PCSK6: variants seen among roughly 807,000 people sequenced by gnomAD.
PCSK6 encodes the protein proprotein convertase subtilisin/kexin type 6.
In PCSK6, 85 loss-of-function variants were observed where a neutral mutation model predicts 123.3. That is an observed-to-expected ratio of 0.69 (90% CI 0.58 to 0.83). The LOEUF (loss-of-function observed/expected upper bound fraction) is 0.83, where lower values mean the gene tolerates loss of function less well. Ranked by LOEUF, PCSK6 falls within the 40% of genes least tolerant of loss-of-function variation. The pLI is 0.00. For synonymous variants in PCSK6, 508 were observed against 516.0 expected, an observed-to-expected ratio of 0.98 and a Z score of 0.21; for missense variants, 1,191 against 1,282.3, an observed-to-expected ratio of 0.93 and a Z score of 1.09.
At chr15:101,417,334 G>A (rs532511014) in intron 6 of PCSK6, among the ~76,000 whole-genome samples, 4 of 152,192 alleles carry the variant, frequency 2.6e-5, no homozygotes, top group South Asian at 2.1e-4. Flanking sequence ...GTGTGAAAAC[G>A]GACTAATGCA....
chr15:101,431,529 T>C (rs774910196), intron 3 of PCSK6, 66 bp from the exon 4 acceptor site: 1 of 1,599,320 alleles, frequency 6.3e-7, no homozygotes, highest in East Asian at 2.2e-5. Context: ...TGACACTCGG[T>C]GCACACCCCA....
At chr15:101,307,380 G>A in intron 20 of PCSK6, 55 bp from the exon 21 acceptor site, 2 of 1,345,276 alleles carry the variant, frequency 1.5e-6, no homozygotes, top group South Asian at 2.5e-5. Context: ...CACCACTCCG[G>A]GCTCCCTTCC....
chr15:101,388,932 T>A (rs1012946057), intron 9 of PCSK6, among the ~76,000 whole-genome samples: 3 of 152,110 alleles, frequency 2.0e-5, no homozygotes, highest in Admixed American at 6.5e-5. Context: ...CTGAACTATG[T>A]CCCCTCCAAA....
At chr15:101,401,782 C>T (rs2042595072) in intron 6 of PCSK6, among the ~76,000 whole-genome samples, 2 of 152,184 alleles carry the variant, frequency 1.3e-5, no homozygotes, top group African/African-American at 4.8e-5. Context: ...CCCCACTGAG[C>T]CTCAGTTTTC....
chr15:101,318,194 C>T, intron 19 of PCSK6, 125 bp downstream of exon 19: 1 of 686,834 alleles, frequency 1.5e-6, no homozygotes, highest in Non-Finnish European at 2.5e-6. Context: ...CCTTGTTTTG[C>T]CCTTGCATTT....
In PCSK6 at chr15:101,366,281, G is replaced by A. The variant is rs2041386354; in HGVS notation, c.1773C>T (p.Val591=). The A allele has an allele frequency of 6.2e-7, 1 of 1,613,600 alleles. No homozygotes were observed. The highest frequency in any genetic ancestry group is 1.3e-5 in the African/African-American group (1 of 75,032). Residue 591 remains valine, a synonymous_variant, in exon 13 of 22, where the codon GTC becomes GTT. Coordinates refer to ENST00000611716, the MANE Select transcript of PCSK6 (RefSeq NM_002570.5). ...EGFTNWEFMT[V]HCWGEKAEGQ... ...CTTCAGCCTTTTCTCCCCAGCAGTG[G>A]ACAGTCATGAATTCCCAGTTTGTAA...
chr15:101,434,256 T>A (rs1567218818), intron 2 of PCSK6, among the ~76,000 whole-genome samples: 1 of 152,092 alleles, frequency 6.6e-6, no homozygotes, highest in African/African-American at 2.4e-5. Context: ...CTCCCAGGGA[T>A]GTCCCGCCCT....
chr15:101,462,583 G>A (rs750736983), intron 1 of PCSK6, among the ~76,000 whole-genome samples: 5 of 152,292 alleles, frequency 3.3e-5, no homozygotes, highest in Admixed American at 6.5e-5. Context: ...AGTTTAACTC[G>A]TGGAACAGAA....
chr15:101,428,078 C>T (rs531043131), intron 5 of PCSK6, 98 bp from the exon 6 acceptor site: 97 of 998,538 alleles, frequency 9.7e-5, no homozygotes, highest in African/African-American at 8.7e-4. Flanking sequence ...GTCAGTTGTC[C>T]GAAGCCCAGA....
intron 13 of PCSK6, among the ~76,000 whole-genome samples, chr15:101,338,202 C>T (rs1446289241): frequency 6.6e-6 from 1 of 152,182 alleles, no homozygotes; most frequent in Admixed American, 6.5e-5. Context: ...CTACACAGTC[C>T]CTTCTCCAAA....
intron 13 of PCSK6, among the ~76,000 whole-genome samples, chr15:101,360,866 T>C (rs1173737966): frequency 6.6e-6 from 1 of 152,244 alleles, no homozygotes; most frequent in Non-Finnish European, 1.5e-5. Context: ...CTTGTCACCC[T>C]GCCCTGCTTC....
Position 101,483,250 on chromosome 15 carries a change from C to G in PCSK6, c.297+6124G>C, listed in dbSNP as rs546736338. 3.7e-3 allele frequency among the ~76,000 whole-genome samples: 563 copies of G among 152,326 alleles called. 1 individual carries two copies. Among genetic ancestry groups the G allele is most frequent in the Non-Finnish European group, 5.7e-3 (387 of 68,030 alleles). ...GTGGCTGGAACAAGTTCTGGCCCAT[C>G]ATTTTAACACCTGGTTAAGGCTTCG... On this transcript the variant is annotated intron_variant, in intron 1 of 21. Transcript: ENST00000611716.
At chr15:101,368,394 C>A (rs2041465267) in intron 12 of PCSK6, among the ~76,000 whole-genome samples, 1 of 152,210 alleles carries the variant, frequency 6.6e-6, no homozygotes, top group Non-Finnish European at 1.5e-5. Flanking sequence ...TATATTATCA[C>A]ACTCAAGTCT....
chr15:101,326,715 T>C (rs552529393), intron 15 of PCSK6, among the ~76,000 whole-genome samples: 2 of 152,220 alleles, frequency 1.3e-5, no homozygotes, highest in Non-Finnish European at 2.9e-5. Flanking sequence ...AGGGATGGCA[T>C]GAGAAGGAGT....
chr15:101,309,197 A>T (rs749948752), intron 20 of PCSK6: 1 of 152,546 alleles, frequency 6.6e-6, no homozygotes, highest in Non-Finnish European at 1.5e-5. Context: ...GGGTCTCACG[A>T]GGTTCAGGGC....
chr15:101,403,299 A>T (rs891105422), intron 6 of PCSK6, among the ~76,000 whole-genome samples: 49 of 148,364 alleles, frequency 3.3e-4, no homozygotes, highest in Non-Finnish European at 5.4e-4. Context: ...GAGGGATAGC[A>T]TTAGGAGATA....
rs866513485 is a variant in PCSK6, at chr15:101,347,268, T to C, written c.1859-15237A>G. The C allele has an allele frequency of 2.4e-6, 3 of 1,232,228 alleles. No individual in the cohort carries two copies. The African/African-American group carries it at 4.7e-5, about 19-fold the overall frequency. The allele number at this position is 1,232,228 out of a possible 1,614,324, so 76.3% of individuals were successfully genotyped here. ...GATTGCAAAATCTCAACTCTTATCT[T>C]AGAAATGAAGATTAGCTCAAAAGAG... On this transcript the variant is annotated intron_variant, in intron 13 of 21. Transcript: ENST00000611716.
intron 6 of PCSK6, among the ~76,000 whole-genome samples, chr15:101,422,637 T>C (rs78639153): frequency 6.6e-6 from 1 of 152,168 alleles, no homozygotes; most frequent in Non-Finnish European, 1.5e-5. Context: ...TTTTTTTTTT[T>C]TGAGACGGAG....
chr15:101,439,163 C>T (rs941526692), intron 2 of PCSK6, among the ~76,000 whole-genome samples: 10 of 151,992 alleles, frequency 6.6e-5, no homozygotes, highest in African/African-American at 2.2e-4. Context: ...CCAGGTTGTA[C>T]GGGAGGTGGA....
Sources: gnomAD v4.1 joint callset for allele counts (sites outside exome capture counted in the v4.1 genomes callset) on GRCh38, gnomAD v4.1.1 for gene constraint, MANE v1.5 for transcripts, NCBI Gene and HGNC (gene_info 2026-07-23, HGNC 2026-07-21) for gene names.